L2HGDH: variants seen among roughly 807,000 people sequenced by gnomAD.
L2HGDH encodes the protein L-2-hydroxyglutarate dehydrogenase.
L2HGDH carries 34 observed loss-of-function variants against 51.5 expected under a neutral mutation model. That is an observed-to-expected ratio of 0.66 (90% confidence interval 0.50 to 0.88). The LOEUF (loss-of-function observed/expected upper bound fraction) is 0.88, where lower values mean the gene tolerates loss of function less well. Among genes scored for constraint, L2HGDH ranks in the 40% least tolerant of loss-of-function variants. The pLI, the probability that L2HGDH is intolerant of heterozygous loss-of-function variation, is 0.00. For synonymous variants in L2HGDH, 198 were observed against 197.9 expected (o/e 1.00, Z -0.01); for missense variants, 558 against 571.9 (o/e 0.98, Z 0.25).
intron 8 of L2HGDH, among the ~76,000 whole-genome samples, chr14:50,266,666 T>G (rs920873751): frequency 2.0e-5 from 3 of 152,212 alleles, no homozygotes; most frequent in Admixed American, 6.6e-5. Context: ...AGTGAGACTC[T>G]GCAAAGCCTA....
chr14:50,304,558 G>C (rs767355170), intron 1 of L2HGDH, among the ~76,000 whole-genome samples: 1 of 152,156 alleles, frequency 6.6e-6, no homozygotes, highest in Non-Finnish European at 1.5e-5. Context: ...AATTAGGGCC[G>C]GGCGTGGTGG....
intron 9 of L2HGDH, among the ~76,000 whole-genome samples, chr14:50,252,597 C>G (rs1037832338): frequency 1.3e-5 from 2 of 151,054 alleles, no homozygotes; most frequent in South Asian, 4.2e-4. Flanking sequence ...TATTCCATGA[C>G]AATGGAAATG....
intron 3 of L2HGDH, among the ~76,000 whole-genome samples, chr14:50,298,307 T>C (rs1184798000): frequency 3.3e-5 from 5 of 150,556 alleles, no homozygotes; most frequent in Non-Finnish European, 7.4e-5. Flanking sequence ...ACTCCAGAGG[T>C]TGAGGTGGGA....
At chr14:50,287,761 G>T (rs559835275) in intron 4 of L2HGDH, among the ~76,000 whole-genome samples, 8 of 134,548 alleles carry the variant, frequency 5.9e-5, no homozygotes, top group Admixed American at 8.0e-5. Flanking sequence ...GCAGTGGTGC[G>T]ATCTTGGCTC....
intron 3 of L2HGDH, among the ~76,000 whole-genome samples, chr14:50,301,086 A>G (rs560049320): frequency 6.6e-6 from 1 of 152,348 alleles, no homozygotes; most frequent in Admixed American, 6.5e-5. Context: ...AAAGGAAAAA[A>G]TAAAAGACAC....
chr14:50,276,422 C>G (rs931181563), intron 6 of L2HGDH, among the ~76,000 whole-genome samples: 5 of 151,924 alleles, frequency 3.3e-5, no homozygotes, highest in African/African-American at 1.2e-4. Flanking sequence ...CATACATTAC[C>G]TAATTCTTTT....
chr14:50,298,245 A>C (rs2030191608), intron 3 of L2HGDH, among the ~76,000 whole-genome samples: 1 of 151,892 alleles, frequency 6.6e-6, no homozygotes, highest in South Asian at 2.1e-4. Context: ...CTGTCTCAAA[A>C]AAAAAAAAAG....
Position 50,269,258 on chromosome 14 carries a change from C to T in L2HGDH, c.811G>A (p.Gly271Ser), listed in dbSNP as rs1168592245. The change falls in exon 7 of 10, where the codon GGC becomes AGC. Residue 271 changes from glycine (G) to serine (S), a missense_variant. Transcript: ENST00000267436. ...LYSDRISELS[G>S]CTPDPRIVPF... ...ACAATTCGAGGATCAGGAGTGCAGC[C>T]ACTCAACTCTGAAATACGGTCTGAG... The T allele has an allele frequency of 3.1e-6, 5 of 1,613,816 alleles. No homozygotes were observed. The highest frequency in any genetic ancestry group is 4.2e-6 in the Non-Finnish European group (5 of 1,179,888).
At chr14:50,285,043 C>T (rs1200179828) in intron 4 of L2HGDH, among the ~76,000 whole-genome samples, 4 of 152,084 alleles carry the variant, frequency 2.6e-5, no homozygotes, top group African/African-American at 4.8e-5. Context: ...GTCAGGAGTT[C>T]GAGACCAGCC....
chr14:50,293,716 A>T (rs1443522973), intron 4 of L2HGDH, among the ~76,000 whole-genome samples: 8 of 152,138 alleles, frequency 5.3e-5, no homozygotes, highest in African/African-American at 1.9e-4. Flanking sequence ...AAAATGTTCA[A>T]TGGCTCCCCG....
At chr14:50,274,237 C>CCACT (rs1889848884) in intron 6 of L2HGDH, among the ~76,000 whole-genome samples, 1 of 151,786 alleles carries the variant, frequency 6.6e-6, no homozygotes, top group Admixed American at 6.6e-5. Context: ...CATGATCATG[C>CCACT]CACTGGACTT....
intron 3 of L2HGDH, among the ~76,000 whole-genome samples, chr14:50,298,848 G>A (rs2030240149): frequency 6.6e-6 from 1 of 152,078 alleles, no homozygotes; most frequent in African/African-American, 2.4e-5. Context: ...CGTACTAAGA[G>A]GAAAGTTTAT....
chr14:50,289,646 A>G (rs1304513817), intron 4 of L2HGDH, among the ~76,000 whole-genome samples: 1 of 152,166 alleles, frequency 6.6e-6, no homozygotes, highest in Non-Finnish European at 1.5e-5. Context: ...TTCAAACAAA[A>G]CCAATTTGAA....
chr14:50,283,999 A>C lies in L2HGDH; in HGVS notation c.575T>G (p.Ile192Ser). The change falls in exon 5 of 10, where the codon ATT becomes AGT. Residue 192 changes from isoleucine (I) to serine (S), a missense_variant. Coordinates refer to ENST00000267436, the MANE Select transcript of L2HGDH (RefSeq NM_024884.3). ...CAAAGCCACCTGCCGATAGTCCACA[A>C]TGCCAGTATGTGGACAATCAATAGC... ...LMAIDCPHTG[I>S]VDYRQVALSF... 6.2e-7 allele frequency: 1 copy of C among 1,614,116 alleles called. No individual in the cohort carries two copies. The highest frequency in any genetic ancestry group is 8.5e-7 in the Non-Finnish European group (1 of 1,179,952).
At chr14:50,287,347 G>A in intron 4 of L2HGDH, 1 of 979,900 alleles carries the variant, frequency 1.0e-6, no homozygotes, top group Non-Finnish European at 1.2e-6. Context: ...TACACAACAG[G>A]CAACAATCAG....
chr14:50,256,097 A>C (rs959178344), intron 9 of L2HGDH, among the ~76,000 whole-genome samples: 1 of 152,200 alleles, frequency 6.6e-6, no homozygotes, highest in Non-Finnish European at 1.5e-5. Context: ...CATTATTGTC[A>C]TATGTCAAGC....
intron 1 of L2HGDH, among the ~76,000 whole-genome samples, chr14:50,308,668 T>C (rs1414814532): frequency 3.3e-5 from 5 of 152,112 alleles, no homozygotes; most frequent in Non-Finnish European, 7.4e-5. Context: ...GAATGTAAAA[T>C]AGTACAGCCA....
intron 4 of L2HGDH, among the ~76,000 whole-genome samples, chr14:50,290,036 C>G (rs1002020590): frequency 4.6e-5 from 7 of 152,046 alleles, no homozygotes; most frequent in Non-Finnish European, 8.8e-5. Flanking sequence ...GAGGCTGAGG[C>G]GGGCGGATCA....
At chr14:50,274,973 G>T in intron 6 of L2HGDH, among the ~76,000 whole-genome samples, 1 of 108,420 alleles carries the variant, frequency 9.2e-6, no homozygotes, top group East Asian at 3.4e-4. Context: ...CTGGGAGGGG[G>T]GTGGGCAGGA....
Sources: allele counts gnomAD v4.1 joint callset (sites outside exome capture counted in the v4.1 genomes callset), GRCh38; gene constraint gnomAD v4.1.1; transcripts MANE v1.5; gene names NCBI Gene and HGNC (gene_info 2026-07-23, HGNC 2026-07-21).